ZAP70: variants seen among roughly 807,000 people sequenced by gnomAD.
ZAP70 encodes zeta chain of T cell receptor associated protein kinase 70, also known as tyrosine-protein kinase ZAP-70.
In ZAP70, 27 loss-of-function variants were observed where a neutral mutation model predicts 65.8. The observed-to-expected ratio is 0.41, with a 90% CI of 0.30 to 0.57. ZAP70 has a LOEUF of 0.57. Among genes scored for constraint, ZAP70 ranks in the 20% least tolerant of loss-of-function variants. The probability of loss-of-function intolerance (pLI) is 0.28; values close to 1 mark genes in which losing one functional copy is unlikely to be tolerated. For missense variants in ZAP70, 696 were observed against 870.5 expected (o/e 0.80, Z 2.52); for synonymous variants, 363 against 360.8 (o/e 1.01, Z -0.07).
chr2:97,753,050 C>T, the ZAP70 span, among the ~76,000 whole-genome samples: 3 of 152,284 alleles, frequency 2.0e-5, no homozygotes, highest in African/African-American at 7.2e-5. Context: ...AATCACTTTA[C>T]TTGTGTGAAA....
At chr2:97,733,444 G>GCTCT in intron 7 of ZAP70, 100 bp from the exon 8 acceptor site, 1 of 1,603,614 alleles carries the variant, frequency 6.2e-7, no homozygotes, top group East Asian at 2.2e-5. Flanking sequence ...AGCGGAAGAA[G>GCTCT]CTCTCTCTCC....
chr2:97,745,338 CA>C, the ZAP70 span, among the ~76,000 whole-genome samples: 8 of 152,222 alleles, frequency 5.3e-5, no homozygotes, highest in African/African-American at 9.6e-5. Flanking sequence ...TGTGCCTGGC[CA>C]AAAAACCTTT....
intron 2 of ZAP70, among the ~76,000 whole-genome samples, chr2:97,720,889 C>T (rs1677129353): frequency 6.6e-6 from 1 of 152,194 alleles, no homozygotes; most frequent in South Asian, 2.1e-4. Context: ...ATTCCCATTC[C>T]AGTACCTTCC....
chr2:97,741,511 C>G (rs566346910), downstream of ZAP70, among the ~76,000 whole-genome samples: 3 of 151,200 alleles, frequency 2.0e-5, no homozygotes, highest in Non-Finnish European at 4.4e-5. Context: ...CCGTCCCCCC[C>G]AGGTGATGTC....
chr2:97,721,580 A>ATTTT (rs796509420), intron 2 of ZAP70, among the ~76,000 whole-genome samples: 9 of 81,166 alleles, frequency 1.1e-4, no homozygotes, highest in Non-Finnish European at 1.9e-4. Context: ...TGGCTGGCTG[A>ATTTT]TTTTTTTTTT....
chr2:97,716,974 C>T (rs1271487053), intron 2 of ZAP70, among the ~76,000 whole-genome samples: 2 of 152,296 alleles, frequency 1.3e-5, no homozygotes, highest in Non-Finnish European at 1.5e-5. Flanking sequence ...GGTGGGTCCA[C>T]GATTCCATGA....
At chr2:97,742,589 C>T (rs1437796333), downstream of ZAP70, among the ~76,000 whole-genome samples, 5 of 152,276 alleles carry the variant, frequency 3.3e-5, no homozygotes, top group Non-Finnish European at 1.5e-5. Context: ...AAATTTCTCT[C>T]TTCTCTGTTG....
At chr2:97,719,344 G>A (rs1417667937) in intron 2 of ZAP70, among the ~76,000 whole-genome samples, 5 of 150,276 alleles carry the variant, frequency 3.3e-5, no homozygotes, top group African/African-American at 1.2e-4. Flanking sequence ...GTAAGGGGAC[G>A]GGGGTGGGGG....
At chr2:97,752,968 A>G in the ZAP70 span, among the ~76,000 whole-genome samples, 1 of 152,344 alleles carries the variant, frequency 6.6e-6, no homozygotes, top group East Asian at 1.9e-4. Context: ...AAATTACTAA[A>G]GCGTATTTTT....
rs143729399 is a variant in ZAP70, at chr2:97,736,353, G to A, written c.1289+897G>A. ...ACAAGTTCTGCACTCCCCAAGGCACGTTTTTGCTGATCTGTGCCCTCTGGC... is the reference window on the plus strand; with the variant it reads ...ACAAGTTCTGCACTCCCCAAGGCACATTTTTGCTGATCTGTGCCCTCTGGC... On this transcript the variant is annotated intron_variant, in intron 10 of 13. Transcript: ENST00000264972. This position sits in a 1 kb window ranked among gnomAD's most constrained non-coding sequence, Gnocchi z 4.0. Among the ~76,000 whole-genome samples, 21 of 152,288 alleles carry A rather than the reference G, an allele frequency of 1.4e-4. No individual in the cohort carries two copies. Among genetic ancestry groups the A allele is most frequent in the African/African-American group, 4.8e-4 (20 of 41,560 alleles).
the ZAP70 span, among the ~76,000 whole-genome samples, chr2:97,744,902 A>T: frequency 5.3e-5 from 8 of 152,246 alleles, no homozygotes; most frequent in Admixed American, 4.6e-4. Context: ...ACTCTTAAGA[A>T]AACAAAGAGG....
chr2:97,738,863 C>G (rs561180235), intron 13 of ZAP70, among the ~76,000 whole-genome samples: 1 of 152,200 alleles, frequency 6.6e-6, no homozygotes, highest in East Asian at 1.9e-4. Context: ...AGGCTAGCAC[C>G]TAGCACCCCA....
At chr2:97,741,087 C>T (rs1334353871), downstream of ZAP70, among the ~76,000 whole-genome samples, 3 of 152,106 alleles carry the variant, frequency 2.0e-5, no homozygotes, top group African/African-American at 4.8e-5. Context: ...AGCTTTTCTA[C>T]GGAACATGTT....
the ZAP70 span, among the ~76,000 whole-genome samples, chr2:97,755,292 G>C: frequency 1.3e-5 from 2 of 151,782 alleles, no homozygotes; most frequent in African/African-American, 4.8e-5. Context: ...CTAGTTAAAA[G>C]AAAAAAAATA....
chr2:97,737,960 G>A lies in ZAP70; in HGVS notation c.1624-35G>A, dbSNP rs1047905995. On this transcript the variant is annotated intron_variant, in intron 12 of 13. Transcript: ENST00000264972. This position sits in a 1 kb window ranked among gnomAD's most constrained non-coding sequence, Gnocchi z 5.0. The stretch of plus-strand genomic sequence containing the variant: ...GAGGGGGATGAGGAGGAGGACACTG[G>A]TCACTCACAGGTGTCTCTGCCCCGG... 1.2e-6 allele frequency: 2 copies of A among 1,613,880 alleles called. No individual in the cohort carries two copies. Among genetic ancestry groups the A allele is most frequent in the African/African-American group, 1.3e-5 (1 of 74,892 alleles).
chr2:97,720,801 A>C (rs147610231), intron 2 of ZAP70, among the ~76,000 whole-genome samples: 1 of 151,630 alleles, frequency 6.6e-6, no homozygotes, highest in Non-Finnish European at 1.5e-5. Flanking sequence ...GGCCCTCCCA[A>C]CCTCACTGTC....
intron 3 of ZAP70, 117 bp downstream of exon 3, chr2:97,724,555 G>C: frequency 6.5e-7 from 1 of 1,533,106 alleles, no homozygotes. Flanking sequence ...GTCCCCTTTG[G>C]AAGCTGGAGA....
Position 97,737,419 on chromosome 2 carries a change from C to CA in ZAP70, c.1290-54_1290-53insA. On this transcript the variant is annotated intron_variant, in intron 10 of 13. Coordinates refer to ENST00000264972, the MANE Select transcript of ZAP70 (RefSeq NM_001079.4). The surrounding 1 kb of genome is among the most constrained non-coding windows in gnomAD (Gnocchi z 5.0). ...TGGGTCAGAGAAGCATGCTTTGCCC[C>CA]TGGGAACTTGGCTAGTCTTCTCCCA... 6.3e-7 allele frequency: 1 copy of CA among 1,599,154 alleles called. No individual in the cohort carries two copies. Among genetic ancestry groups the CA allele is most frequent in the Middle Eastern group, 1.7e-4 (1 of 5,946 alleles).
chr2:97,738,251 A>C, intron 13 of ZAP70, 144 bp downstream of exon 13: 1 of 786,508 alleles, frequency 1.3e-6, no homozygotes, highest in Non-Finnish European at 2.1e-6. Flanking sequence ...GCTGCCCCCT[A>C]CCCCCACACC....
Sources: allele counts gnomAD v4.1 joint callset (sites outside exome capture counted in the v4.1 genomes callset), GRCh38; gene constraint gnomAD v4.1.1; non-coding constraint Gnocchi (gnomAD v3.1); transcripts MANE v1.5; gene names NCBI Gene and HGNC (gene_info 2026-07-23, HGNC 2026-07-21).